Variants in MTMR3 observed in about 807,000 individuals in gnomAD.
MTMR3 encodes the protein myotubularin related protein 3.
Under a neutral mutation model 132.4 loss-of-function variants are expected in MTMR3, and 32 were observed. The ratio of observed to expected loss-of-function variants is 0.24; its 90% CI spans 0.18 to 0.32. MTMR3 has a LOEUF of 0.32. MTMR3 is among the 10% of genes least tolerant of loss of function. The pLI is 1.00. For synonymous variants in MTMR3, 556 were observed against 550.3 expected (o/e 1.01, Z -0.14); for missense variants, 1,216 against 1,489.6 (o/e 0.82, Z 3.02).
At chr22:29,982,937 T>TTGTGTGTGTGTGTGTG (rs144471515) in intron 5 of MTMR3, 59 of 146,364 alleles carry the variant, frequency 4.0e-4, no homozygotes, top group Non-Finnish European at 6.4e-4. Flanking sequence ...AAAAGTTTGT[T>TTGTGTGTGTGTGTGTG]TGTGTGTGTG....
Position 30,027,236 on chromosome 22 carries a change from G to T in MTMR3, c.*1435G>T, listed in dbSNP as rs969692736. On this transcript the variant is annotated 3_prime_UTR_variant, in exon 20 of 20. Transcript: ENST00000401950. The stretch of plus-strand genomic sequence containing the variant: ...GCTAACTGGTGACAGGGTGGATCAT[G>T]GTGAGGACTAGGGGTAAGGTCAGGG... 5 of 152,848 alleles carry T rather than the reference G, an allele frequency of 3.3e-5. No homozygotes were observed. Among genetic ancestry groups the T allele is most frequent in the African/African-American group, 1.2e-4 (5 of 41,446 alleles). The allele number at this position is 152,848 out of a possible 1,614,324, so 9.5% of individuals were successfully genotyped here. A position where few individuals can be genotyped will look rare whatever the true frequency, so the allele number is the denominator to read the frequency against.
At chr22:29,928,985 A>G (rs541309777) in intron 1 of MTMR3, among the ~76,000 whole-genome samples, 1 of 152,162 alleles carries the variant, frequency 6.6e-6, no homozygotes, top group South Asian at 2.1e-4. Flanking sequence ...AGTGTGTACA[A>G]TTGCTCACTT....
chr22:29,884,336 G>A (rs2064621507), intron 1 of MTMR3, among the ~76,000 whole-genome samples: 1 of 152,086 alleles, frequency 6.6e-6, no homozygotes. Flanking sequence ...TATGTGAATG[G>A]TAATGCCATA....
chr22:29,995,342 T>TTGGTCTGCTTCCTCACCTGC (rs1218251513), intron 7 of MTMR3: 2 of 152,256 alleles, frequency 1.3e-5, no homozygotes, highest in African/African-American at 4.8e-5. Context: ...GACTCTGGTA[T>TTGGTCTGCTTCCTCACCTGC]TGGTCTGCTT....
intron 1 of MTMR3, among the ~76,000 whole-genome samples, chr22:29,948,497 G>A (rs1044546692): frequency 6.6e-6 from 1 of 152,138 alleles, no homozygotes; most frequent in African/African-American, 2.4e-5. Context: ...ATGTCTTCTA[G>A]AATTTATGTT....
chr22:29,893,462 A>G (rs2145709284), intron 1 of MTMR3, among the ~76,000 whole-genome samples: 1 of 152,300 alleles, frequency 6.6e-6, no homozygotes, highest in Middle Eastern at 3.4e-3. Context: ...GGTTCCCAAA[A>G]CATGGACTCC....
intron 1 of MTMR3, among the ~76,000 whole-genome samples, chr22:29,899,082 T>C (rs905964068): frequency 6.6e-6 from 1 of 152,202 alleles, no homozygotes; most frequent in Admixed American, 6.5e-5. Context: ...GATGAGACTT[T>C]CTTGAATTAC....
At chr22:29,908,305 A>G (rs2065142341) in intron 1 of MTMR3, among the ~76,000 whole-genome samples, 1 of 152,214 alleles carries the variant, frequency 6.6e-6, no homozygotes, top group Admixed American at 6.5e-5. Flanking sequence ...AGTAAGCACA[A>G]GTATCGTGTT....
intron 1 of MTMR3, among the ~76,000 whole-genome samples, chr22:29,903,022 AG>A (rs1399323698): frequency 6.6e-6 from 1 of 152,188 alleles, no homozygotes; most frequent in African/African-American, 2.4e-5. Flanking sequence ...CAGGAGTTCG[AG>A]GCCACCGCCT....
At chr22:30,023,352 T>G (rs2067816101) in intron 19 of MTMR3, 1 of 1,122,192 alleles carries the variant, frequency 8.9e-7, no homozygotes, top group African/African-American at 1.5e-5. Context: ...ACAGTCTCTT[T>G]GCCTAGTAAT....
At chr22:29,934,851 A>C (rs1410926515) in intron 1 of MTMR3, among the ~76,000 whole-genome samples, 2 of 152,230 alleles carry the variant, frequency 1.3e-5, no homozygotes, top group Non-Finnish European at 2.9e-5. Context: ...TACATAGCCC[A>C]GTGATTGGCA....
Position 30,025,684 on chromosome 22 carries a change from C to T in MTMR3, c.3480C>T (p.Pro1160=). 1 of 1,614,220 alleles carries T rather than the reference C, an allele frequency of 6.2e-7. No homozygotes were observed. The highest frequency in any genetic ancestry group is 2.2e-5 in the East Asian group (1 of 44,890). ...SSCCNQKVPV[P]SQQLFEPSRV... is the part of the protein sequence containing the mutation. ...GTTGTAACCAGAAGGTTCCAGTTCC[C>T]AGCCAGCAGCTCTTTGAACCCAGTC... is the stretch of plus-strand genomic sequence containing the variant. The change falls in exon 20 of 20, where the codon CCC becomes CCT. Residue 1160 remains proline, a synonymous_variant. Coordinates refer to ENST00000401950, the MANE Select transcript of MTMR3 (RefSeq NM_021090.4).
intron 17 of MTMR3, 184 bp downstream of exon 17, chr22:30,021,068 T>G (rs1252346633): frequency 1.6e-6 from 1 of 641,800 alleles, no homozygotes; most frequent in Non-Finnish European, 2.7e-6. Context: ...CTGCCTGTTT[T>G]CTGCTTCGCT....
intron 11 of MTMR3, chr22:30,008,602 A>G (rs1002126999): frequency 5.9e-6 from 1 of 169,780 alleles, no homozygotes; most frequent in Non-Finnish European, 1.3e-5. Context: ...GATGTGGTCT[A>G]AGCTGGAAAT....
At chr22:29,949,661 T>G (rs2066035826) in intron 1 of MTMR3, among the ~76,000 whole-genome samples, 1 of 152,100 alleles carries the variant, frequency 6.6e-6, no homozygotes, top group African/African-American at 2.4e-5. Flanking sequence ...AAAAAACTTT[T>G]TGAGAACCTG....
intron 1 of MTMR3, among the ~76,000 whole-genome samples, chr22:29,952,706 A>G (rs1278600633): frequency 6.6e-6 from 1 of 152,196 alleles, no homozygotes; most frequent in Non-Finnish European, 1.5e-5. Flanking sequence ...GAATGTAGCC[A>G]TGCTTTTAAC....
chr22:29,919,783 T>G (rs1281392228), intron 1 of MTMR3, among the ~76,000 whole-genome samples: 1 of 152,184 alleles, frequency 6.6e-6, no homozygotes. Flanking sequence ...CTGCCTCACC[T>G]TCCCATAGTG....
intron 2 of MTMR3, 30 bp from the exon 3 acceptor site, chr22:29,970,946 C>CTTCTTCCCCCT: frequency 6.7e-6 from 2 of 297,396 alleles, no homozygotes; most frequent in Non-Finnish European, 1.1e-5. Flanking sequence ...TTTTTTTTTT[C>CTTCTTCCCCCT]TTCTTCCCCC....
At chr22:30,002,392 A>G (rs530092847) in intron 8 of MTMR3, 1 of 153,162 alleles carries the variant, frequency 6.5e-6, no homozygotes, top group Admixed American at 6.5e-5. Flanking sequence ...AATCCTGTGA[A>G]GTCTCTGGAA....
Sources: gnomAD v4.1 joint callset for allele counts (sites outside exome capture counted in the v4.1 genomes callset) on GRCh38, gnomAD v4.1.1 for gene constraint, MANE v1.5 for transcripts, NCBI Gene and HGNC (gene_info 2026-07-23, HGNC 2026-07-21) for gene names.